The following UXS1 variants were observed in gnomAD, a reference collection of about 807,000 sequenced individuals.
UXS1 encodes the protein UDP-glucuronic acid decarboxylase 1.
UXS1 carries 33 observed loss-of-function variants against 62.6 expected under a neutral mutation model. That is an observed-to-expected ratio of 0.53 (90% CI 0.40 to 0.70). The LOEUF (loss-of-function observed/expected upper bound fraction) is 0.70, where lower values mean the gene tolerates loss of function less well. Ranked by LOEUF, UXS1 falls within the 30% of genes least tolerant of loss-of-function variation. The probability of loss-of-function intolerance (pLI) is 0.00; values close to 1 mark genes in which losing one functional copy is unlikely to be tolerated. For synonymous variants in UXS1, 213 were observed against 206.8 expected (o/e 1.03, Z -0.26); for missense variants, 434 against 556.3 (o/e 0.78, Z 2.21).
rs921976475 is a variant in UXS1 at position 106,141,921 on chromosome 2, A to C, written c.472+3269T>G. On this transcript the variant is annotated intron_variant, in intron 6 of 14. Coordinates refer to ENST00000283148, the MANE Select transcript of UXS1 (RefSeq NM_001253875.2). ...GGTCTTATTCTGTCACCCAGGCTGG[A>C]GTGCAACGGCACTATCTTGGCTCAC... is the stretch of plus-strand genomic sequence containing the variant. Among the ~76,000 whole-genome samples the C allele has an allele frequency of 2.0e-5, 3 of 147,002 alleles. No homozygotes were observed. The East Asian group carries it at 6.0e-4, about 29-fold the overall frequency.
At chr2:106,106,759 C>T (rs1336470063) in intron 10 of UXS1, among the ~76,000 whole-genome samples, 2 of 152,200 alleles carry the variant, frequency 1.3e-5, no homozygotes, top group Non-Finnish European at 2.9e-5. Flanking sequence ...GTTGGTAGGA[C>T]AGGAGGTCCA....
intron 1 of UXS1, among the ~76,000 whole-genome samples, chr2:106,186,786 C>G (rs1429890266): frequency 2.0e-5 from 3 of 151,924 alleles, no homozygotes; most frequent in Non-Finnish European, 4.4e-5. Context: ...CCACTGCATT[C>G]CAGCATGGAC....
chr2:106,145,496 G>C (rs758485818), intron 5 of UXS1, 126 bp from the exon 6 acceptor site: 14 of 1,213,674 alleles, frequency 1.2e-5, no homozygotes, highest in African/African-American at 1.5e-5. Flanking sequence ...AGGCGGGGAA[G>C]GAAGACAGCA....
At chr2:106,111,220 G>A (rs1267035232) in intron 10 of UXS1, among the ~76,000 whole-genome samples, 1 of 152,214 alleles carries the variant, frequency 6.6e-6, no homozygotes, top group Non-Finnish European at 1.5e-5. Flanking sequence ...TCTACCTAGG[G>A]AGGGCACGGC....
intron 8 of UXS1, 36 bp downstream of exon 8, chr2:106,125,584 T>G: frequency 6.5e-7 from 1 of 1,534,020 alleles, no homozygotes; most frequent in Non-Finnish European, 8.8e-7. Flanking sequence ...GTCCAAGGGC[T>G]GGAGTGAACA....
intron 1 of UXS1, among the ~76,000 whole-genome samples, chr2:106,189,721 T>C (rs191758181): frequency 6.6e-6 from 1 of 152,352 alleles, no homozygotes; most frequent in East Asian, 1.9e-4. Flanking sequence ...AAGGACTGGC[T>C]TGAAATTCTT....
rs947195427 is a variant in UXS1 at position 106,144,782 on chromosome 2, A to G, written c.472+408T>C. 2.0e-5 allele frequency among the ~76,000 whole-genome samples: 3 copies of G among 152,136 alleles called. No individual in the cohort carries two copies. The East Asian group carries it at 5.8e-4, about 29-fold the overall frequency. On this transcript the variant is annotated intron_variant, in intron 6 of 14. Transcript: ENST00000283148. Reference sequence around the variant, plus strand: ...GGTTTTCCCAGGCCTCTTTTATAAAAACACTAATCTCATTTGTGACGACTC... The same window carrying G: ...GGTTTTCCCAGGCCTCTTTTATAAAGACACTAATCTCATTTGTGACGACTC...
chr2:106,106,742 G>A (rs919084600), intron 10 of UXS1, among the ~76,000 whole-genome samples: 2 of 152,132 alleles, frequency 1.3e-5, no homozygotes, highest in African/African-American at 4.8e-5. Flanking sequence ...GGAAGCAGTG[G>A]GCCTGAGTTG....
intron 1 of UXS1, among the ~76,000 whole-genome samples, chr2:106,168,071 GA>G (rs1343905741): frequency 2.6e-5 from 4 of 152,204 alleles, no homozygotes; most frequent in Non-Finnish European, 5.9e-5. Context: ...TGAGGCAGGA[GA>G]ATCACTTGAG....
At chr2:106,171,081 T>C (rs899842700) in intron 1 of UXS1, among the ~76,000 whole-genome samples, 3 of 152,172 alleles carry the variant, frequency 2.0e-5, no homozygotes, top group African/African-American at 7.2e-5. Context: ...ATTTTTAATA[T>C]AAATTTAAAA....
At chr2:106,097,209 G>A (rs1334122093) in intron 13 of UXS1, 7 of 460,290 alleles carry the variant, frequency 1.5e-5, no homozygotes, top group Non-Finnish European at 2.6e-5. Context: ...GTGGTGTGGG[G>A]CCATCCCTGA....
At chr2:106,113,855 A>C (rs534054437) in intron 9 of UXS1, among the ~76,000 whole-genome samples, 77 of 152,344 alleles carry the variant, frequency 5.1e-4, no homozygotes, top group African/African-American at 1.8e-3. Flanking sequence ...GGAAAGAAGC[A>C]GTACTCACCT....
chr2:106,097,440 C>T (rs1677212053), intron 13 of UXS1: 1 of 348,152 alleles, frequency 2.9e-6, no homozygotes, highest in Non-Finnish European at 5.7e-6. Context: ...GCTTTCCCTG[C>T]CTCCGTGTCA....
chr2:106,180,004 G>C (rs942626000), intron 1 of UXS1, among the ~76,000 whole-genome samples: 1 of 152,182 alleles, frequency 6.6e-6, no homozygotes, highest in East Asian at 1.9e-4. Flanking sequence ...AGCTACTCCA[G>C]AGGCTGAGGC....
chr2:106,154,468 T>C (rs778901272), intron 5 of UXS1, among the ~76,000 whole-genome samples: 1 of 152,150 alleles, frequency 6.6e-6, no homozygotes, highest in Non-Finnish European at 1.5e-5. Context: ...ACTAAAGGCA[T>C]GCAAAGACCC....
chr2:106,167,317 A>C (rs1394751134), intron 1 of UXS1, among the ~76,000 whole-genome samples: 1 of 152,202 alleles, frequency 6.6e-6, no homozygotes, highest in Non-Finnish European at 1.5e-5. Context: ...TGCCAGGTGC[A>C]TTTAGGTGCT....
At chr2:106,184,119 G>C (rs1684412753) in intron 1 of UXS1, among the ~76,000 whole-genome samples, 1 of 152,180 alleles carries the variant, frequency 6.6e-6, no homozygotes, top group Non-Finnish European at 1.5e-5. Flanking sequence ...TGGAACCTGG[G>C]AGGCAGAAGT....
At chr2:106,149,476 G>T (rs973587760) in intron 5 of UXS1, among the ~76,000 whole-genome samples, 2 of 152,194 alleles carry the variant, frequency 1.3e-5, no homozygotes, top group Admixed American at 1.3e-4. Context: ...TATCGTGGAA[G>T]TGTGTTCCAC....
At chr2:106,159,873 T>G (rs1238390784) in intron 4 of UXS1, 1 of 152,188 alleles carries the variant, frequency 6.6e-6, no homozygotes, top group Non-Finnish European at 1.5e-5. Context: ...TCTATTACAA[T>G]GCAGACGAAT....
Sources: gnomAD v4.1 joint callset for allele counts (sites outside exome capture counted in the v4.1 genomes callset) on GRCh38, gnomAD v4.1.1 for gene constraint, MANE v1.5 for transcripts, NCBI Gene and HGNC (gene_info 2026-07-23, HGNC 2026-07-21) for gene names.